The following FAM81B variants were observed in gnomAD, a reference collection of about 807,000 sequenced individuals.
FAM81B encodes the protein family with sequence similarity 81 member B.
A neutral mutation model predicts 58.7 loss-of-function variants in FAM81B; 60 were observed. The ratio of observed to expected loss-of-function variants is 1.02; its 90% CI spans 0.83 to 1.27. FAM81B has a LOEUF of 1.27. Ranked by LOEUF, FAM81B falls within the 50% of genes most tolerant of loss-of-function variation. The pLI, the probability that FAM81B is intolerant of heterozygous loss-of-function variation, is 0.00. For missense variants in FAM81B, 491 were observed against 522.0 expected, an observed-to-expected ratio of 0.94 and a Z score of 0.58; for synonymous variants, 189 against 179.6, an observed-to-expected ratio of 1.05 and a Z score of -0.42.
chr5:95,422,632 G>A (rs897612282), intron 5 of FAM81B, among the ~76,000 whole-genome samples: 4 of 152,108 alleles, frequency 2.6e-5, no homozygotes, highest in Admixed American at 6.5e-5. Context: ...ACAGGTGCAC[G>A]CCACCATGAC....
intron 3 of FAM81B, among the ~76,000 whole-genome samples, chr5:95,400,080 A>G (rs1022420614): frequency 6.6e-6 from 1 of 152,194 alleles, no homozygotes; most frequent in African/African-American, 2.4e-5. Flanking sequence ...GACTATAAGC[A>G]CTAAATAGAA....
intron 4 of FAM81B, among the ~76,000 whole-genome samples, chr5:95,415,804 T>C (rs1762524758): frequency 6.6e-6 from 1 of 152,210 alleles, no homozygotes; most frequent in African/African-American, 2.4e-5. Context: ...TTACATTACA[T>C]TGAGTCAAGA....
chr5:95,423,125 A>G (rs1486759034), intron 5 of FAM81B, among the ~76,000 whole-genome samples: 1 of 150,728 alleles, frequency 6.6e-6, no homozygotes, highest in Non-Finnish European at 1.5e-5. Context: ...CTCTATTCCA[A>G]TGAGCATTTT....
intron 1 of FAM81B, among the ~76,000 whole-genome samples, chr5:95,391,812 C>T (rs915910868): frequency 5.9e-5 from 9 of 152,212 alleles, no homozygotes; most frequent in African/African-American, 1.4e-4. Context: ...GATACCATCT[C>T]ATGCCAGTTA....
intron 8 of FAM81B, among the ~76,000 whole-genome samples, chr5:95,447,623 C>T (rs927786552): frequency 6.6e-6 from 1 of 152,200 alleles, no homozygotes; most frequent in South Asian, 2.1e-4. Flanking sequence ...TCCACCAACA[C>T]TTATTCCTGA....
At chr5:95,403,538 T>C (rs1762167216) in intron 3 of FAM81B, among the ~76,000 whole-genome samples, 1 of 152,240 alleles carries the variant, frequency 6.6e-6, no homozygotes, top group African/African-American at 2.4e-5. Context: ...GGTTTAAATG[T>C]AGAAATACTG....
intron 4 of FAM81B, among the ~76,000 whole-genome samples, chr5:95,416,744 A>C (rs532916804): frequency 6.6e-6 from 1 of 152,190 alleles, no homozygotes. Flanking sequence ...ATCTCTTTGC[A>C]TGGTGCATAC....
rs751989307 is a variant in FAM81B, at chr5:95,414,047, G to A, written c.394G>A (p.Ala132Thr). Residue 132 changes from alanine (A) to threonine (T), a missense_variant, in exon 4 of 10, where the codon GCC becomes ACC. Coordinates refer to ENST00000283357, the MANE Select transcript of FAM81B (RefSeq NM_152548.3). ...TACCATAGCTTTCCTTCTTGAACAAGCCTTCCGCATCAAGGAGGACATCTC... is the reference window on the plus strand; with the variant it reads ...TACCATAGCTTTCCTTCTTGAACAAACCTTCCGCATCAAGGAGGACATCTC... ...ARTIAFLLEQ[A>T]FRIKEDISAC... The A allele has an allele frequency of 2.5e-5, 41 of 1,613,920 alleles. No individual in the cohort carries two copies. The South Asian group carries it at 4.4e-4, about 17-fold the overall frequency.
At chr5:95,402,352 A>T (rs1762136569) in intron 3 of FAM81B, among the ~76,000 whole-genome samples, 1 of 152,232 alleles carries the variant, frequency 6.6e-6, no homozygotes, top group Admixed American at 6.5e-5. Context: ...GAACCATGTA[A>T]ATAAAACCAA....
rs1761864868 is a variant in FAM81B, at chr5:95,392,864, C to T, written c.195C>T (p.Pro65=). 1.2e-6 allele frequency: 2 copies of T among 1,611,868 alleles called. No individual in the cohort carries two copies. Among genetic ancestry groups the T allele is most frequent in the Admixed American group, 1.7e-5 (1 of 59,608 alleles). ...AEEQPVEPDG[P]LPGSDNNQEK... is the part of the protein sequence containing the mutation. ...AACAGCCAGTTGAACCTGATGGCCC[C>T]CTTCCTGGCTCAGACAATAACCAAG... Residue 65 remains proline (P), a synonymous_variant, in exon 2 of 10, where the codon CCC becomes CCT. Coordinates refer to ENST00000283357, the MANE Select transcript of FAM81B (RefSeq NM_152548.3).
At chr5:95,407,249 C>T (rs993634377) in intron 3 of FAM81B, among the ~76,000 whole-genome samples, 6 of 142,164 alleles carry the variant, frequency 4.2e-5, no homozygotes, top group Non-Finnish European at 9.1e-5. Flanking sequence ...TCCAAAAATG[C>T]CTGTTCTCTT....
At chr5:95,445,899 T>C (rs752329613) in intron 7 of FAM81B, among the ~76,000 whole-genome samples, 25 of 152,284 alleles carry the variant, frequency 1.6e-4, no homozygotes, top group Middle Eastern at 6.8e-3. Context: ...CCCAGCCACA[T>C]ACCGGCACTT....
At chr5:95,423,862 T>C (rs3797204) in intron 5 of FAM81B, among the ~76,000 whole-genome samples, 31,903 of 152,096 alleles carry the variant, frequency 0.21, 3,486 homozygotes, top group African/African-American at 0.26. Flanking sequence ...ATAATGATTT[T>C]CCACTAGTCA....
intron 3 of FAM81B, among the ~76,000 whole-genome samples, chr5:95,411,788 C>T (rs528126849): frequency 4.9e-4 from 74 of 152,310 alleles, no homozygotes; most frequent in African/African-American, 1.2e-3. Flanking sequence ...GAAGTTTCAA[C>T]ATTTTTACAT....
At chr5:95,418,089 G>A (rs1762582740) in intron 4 of FAM81B, among the ~76,000 whole-genome samples, 1 of 152,150 alleles carries the variant, frequency 6.6e-6, no homozygotes, top group African/African-American at 2.4e-5. Context: ...GTTCAATCGT[G>A]TGCTGTTCTG....
intron 5 of FAM81B, 148 bp from the exon 6 acceptor site, chr5:95,428,455 G>A: frequency 2.1e-6 from 2 of 941,824 alleles, no homozygotes; most frequent in Non-Finnish European, 3.1e-6. Flanking sequence ...AATGAAGAAA[G>A]AGATTCCTGA....
chr5:95,416,488 G>A (rs1762542116), intron 4 of FAM81B, among the ~76,000 whole-genome samples: 1 of 151,874 alleles, frequency 6.6e-6, no homozygotes, highest in South Asian at 2.1e-4. Flanking sequence ...TTTTACTGTG[G>A]GTTTTCCCCT....
chr5:95,422,699 G>A (rs1762719365), intron 5 of FAM81B, among the ~76,000 whole-genome samples: 1 of 152,214 alleles, frequency 6.6e-6, no homozygotes, highest in Non-Finnish European at 1.5e-5. Context: ...TTGGTGGTAT[G>A]CTGATGACAC....
At chr5:95,391,704 A>G (rs1761823555) in intron 1 of FAM81B, among the ~76,000 whole-genome samples, 191 bp downstream of exon 1, 1 of 152,242 alleles carries the variant, frequency 6.6e-6, no homozygotes, top group Admixed American at 6.5e-5. Context: ...GGATGTGAAC[A>G]GACACTTCTC....
Sources: gnomAD v4.1 joint callset for allele counts (sites outside exome capture counted in the v4.1 genomes callset) on GRCh38, gnomAD v4.1.1 for gene constraint, MANE v1.5 for transcripts, NCBI Gene and HGNC (gene_info 2026-07-23, HGNC 2026-07-21) for gene names.